KIF17: variants seen among roughly 807,000 people sequenced by gnomAD.
KIF17 encodes the protein kinesin family member 17, also known as kinesin-like protein KIF17.
A neutral mutation model predicts 96.8 loss-of-function variants in KIF17; 80 were observed. The observed-to-expected ratio is 0.83, with a 90% CI of 0.69 to 1.00. The LOEUF is 1.00. Among genes scored for constraint, KIF17 ranks in the 50% least tolerant of loss-of-function variants. The probability of loss-of-function intolerance (pLI) is 0.00; values close to 1 mark genes in which losing one functional copy is unlikely to be tolerated. For missense variants in KIF17, 1,280 were observed against 1,372.9 expected (o/e 0.93, Z 1.07); for synonymous variants, 567 against 587.5 (o/e 0.97, Z 0.51).
chr1:20,669,727 C>T (rs568371664), intron 13 of KIF17, among the ~76,000 whole-genome samples: 1 of 148,848 alleles, frequency 6.7e-6, no homozygotes, highest in East Asian at 2.0e-4. Context: ...CAAAAATTAG[C>T]TGGGCATGGT....
chr1:20,687,134 G>A lies in KIF17; in HGVS notation c.1938+254C>T, dbSNP rs768823113. ...CCATCTGCAGAACGGGAGCCCACCT[G>A]GCATAACCTTGCATCGCGACCCCAA... On this transcript the variant is annotated intron_variant, in intron 8 of 14. Coordinates refer to ENST00000400463, the MANE Select transcript of KIF17 (RefSeq NM_001122819.3). The surrounding 1 kb of genome is among the most constrained non-coding windows in gnomAD (Gnocchi z 4.4). 2.0e-5 allele frequency among the ~76,000 whole-genome samples: 3 copies of A among 152,164 alleles called. No individual in the cohort carries two copies. The highest frequency in any genetic ancestry group is 1.3e-4 in the Admixed American group (2 of 15,284).
chr1:20,688,705 G>C (rs2053984507), intron 7 of KIF17, among the ~76,000 whole-genome samples: 1 of 152,236 alleles, frequency 6.6e-6, no homozygotes, highest in African/African-American at 2.4e-5. Flanking sequence ...TTGTCCACTG[G>C]ATATGCTAGA....
chr1:20,692,580 C>T (rs1039378980), intron 6 of KIF17, among the ~76,000 whole-genome samples: 3 of 151,776 alleles, frequency 2.0e-5, no homozygotes, highest in Non-Finnish European at 4.4e-5. Context: ...GGATTAGAGG[C>T]GTGAGCCACT....
At chr1:20,671,818 CA>C in intron 12 of KIF17, 119 bp downstream of exon 12, 2 of 1,235,892 alleles carry the variant, frequency 1.6e-6, no homozygotes, top group East Asian at 4.7e-5. Context: ...ATCAGGTACC[CA>C]GGGTCACGTG....
At chr1:20,683,626 G>A (rs903660569) in intron 10 of KIF17, among the ~76,000 whole-genome samples, 1 of 152,050 alleles carries the variant, frequency 6.6e-6, no homozygotes, top group Non-Finnish European at 1.5e-5. Flanking sequence ...CTGCACTCCA[G>A]CCTGAGCAAC....
rs1156951272 is a variant in KIF17 at position 20,712,630 on chromosome 1, CTA to C, written c.480+822_480+823del. On this transcript the variant is annotated intron_variant, in intron 3 of 14. Transcript: ENST00000400463. ...TATATATATATAATATAGATAATAT[CTA>C]TATATATAATATAGATAATATTATC... Among the ~76,000 whole-genome samples the C allele has an allele frequency of 6.0e-3, 107 of 17,834 alleles. 12 individuals are homozygous for C. Among genetic ancestry groups the C allele is most frequent in the African/African-American group, 0.017 (101 of 6,022 alleles). The allele number at this position is 17,834 out of a possible 152,430, so 11.7% of individuals were successfully genotyped here.
intron 14 of KIF17, 145 bp from the exon 15 acceptor site, chr1:20,664,907 C>G (rs1462578541): frequency 3.9e-6 from 3 of 764,278 alleles, no homozygotes; most frequent in Non-Finnish European, 6.8e-6. Flanking sequence ...AGCTGGGACC[C>G]CAGGCTCTGC....
In KIF17 at chr1:20,700,829, G is replaced by A. The variant is rs1046033791; in HGVS notation, c.1124-2341C>T. On this transcript the variant is annotated intron_variant, in intron 5 of 14. Coordinates refer to ENST00000400463, the MANE Select transcript of KIF17 (RefSeq NM_001122819.3). The surrounding 1 kb of genome is among the most constrained non-coding windows in gnomAD (Gnocchi z 4.6). Reference sequence around the variant, plus strand: ...GTATGTAACTCTCACACCAAGCCAAGATTCCCCCTGCCCTGAACAGGCCCA... The same window carrying A: ...GTATGTAACTCTCACACCAAGCCAAAATTCCCCCTGCCCTGAACAGGCCCA... 2.0e-5 allele frequency among the ~76,000 whole-genome samples: 3 copies of A among 152,114 alleles called. No homozygotes were observed. The highest frequency in any genetic ancestry group is 2.0e-4 in the Admixed American group (3 of 15,268).
At chr1:20,680,729 G>T (rs1221937731) in intron 11 of KIF17, among the ~76,000 whole-genome samples, 1 of 152,060 alleles carries the variant, frequency 6.6e-6, no homozygotes, top group Non-Finnish European at 1.5e-5. Context: ...TCAATGAAAA[G>T]AAAGGAAAAA....
Position 20,664,514 on chromosome 1 carries a change from T to A in KIF17, c.*70A>T, listed in dbSNP as rs536781969. On this transcript the variant is annotated 3_prime_UTR_variant, in exon 15 of 15. Coordinates refer to ENST00000400463, the MANE Select transcript of KIF17 (RefSeq NM_001122819.3). ...GTGTGGCAGGTGGGAGGAGACCTGG[T>A]TGGGGCTGCCCTGGGAGGGCCTGGC... 1.9e-6 allele frequency: 3 copies of A among 1,612,076 alleles called. No individual in the cohort carries two copies. The East Asian group carries it at 6.7e-5, about 36-fold the overall frequency.
intron 13 of KIF17, among the ~76,000 whole-genome samples, chr1:20,669,059 A>G (rs1294769424): frequency 1.3e-5 from 2 of 151,768 alleles, no homozygotes; most frequent in Non-Finnish European, 2.9e-5. Context: ...TAGCCTGAGG[A>G]TCTGTAAATA....
chr1:20,682,212 A>G (rs2053842133), intron 11 of KIF17, among the ~76,000 whole-genome samples: 1 of 152,084 alleles, frequency 6.6e-6, no homozygotes, highest in Non-Finnish European at 1.5e-5. Flanking sequence ...CACACAACAC[A>G]CACACTGGGA....
At chr1:20,669,907 A>C in intron 13 of KIF17, among the ~76,000 whole-genome samples, 1 of 135,040 alleles carries the variant, frequency 7.4e-6, no homozygotes, top group African/African-American at 2.7e-5. Flanking sequence ...AAAAAAAACA[A>C]CCACCACCAC....
Position 20,717,628 on chromosome 1 carries a change from C to T in KIF17, c.79G>A (p.Val27Met). 1.9e-6 allele frequency: 3 copies of T among 1,609,070 alleles called. No homozygotes were observed. Among genetic ancestry groups the T allele is most frequent in the Non-Finnish European group, 1.7e-6 (2 of 1,179,164 alleles). Residue 27 changes from valine to methionine, a missense_variant, in exon 1 of 15, where the codon GTG (valine) becomes ATG (methionine). Val to Met is a conservative substitution (Grantham distance 21, BLOSUM62 1). Transcript: ENST00000400463. ...QRERELRCQPVVTVDCARAQC... is the reference protein window; with the variant it reads ...QRERELRCQPMVTVDCARAQC... ...GCGCGCGCGCAGTCCACAGTCACCA[C>T]GGGCTGGCAGCGCAGCTCTCGCTCC...
intron 13 of KIF17, among the ~76,000 whole-genome samples, chr1:20,669,913 A>C (rs1410068163): frequency 3.2e-5 from 4 of 126,858 alleles, no homozygotes; most frequent in Admixed American, 1.8e-4. Flanking sequence ...AACAACCACC[A>C]CCACCCATGC....
rs150924230 is a variant in KIF17 at position 20,689,023 on chromosome 1, C to T, written c.1382-1079G>A. Among the ~76,000 whole-genome samples the T allele has an allele frequency of 1.1e-3, 175 of 152,246 alleles. 1 individual carries two copies. The highest frequency in any genetic ancestry group is 3.8e-3 in the African/African-American group (159 of 41,556). ...CTCCTGTAAGAGGGTCTTGATTTTTCCCTTTGCTGAAATATGGCACCCACT... is the reference window on the plus strand; with the variant it reads ...CTCCTGTAAGAGGGTCTTGATTTTTTCCTTTGCTGAAATATGGCACCCACT... On this transcript the variant is annotated intron_variant, in intron 7 of 14. Coordinates refer to ENST00000400463, the MANE Select transcript of KIF17 (RefSeq NM_001122819.3).
At chr1:20,714,966 C>T (rs989999707) in intron 2 of KIF17, among the ~76,000 whole-genome samples, 5 of 152,172 alleles carry the variant, frequency 3.3e-5, no homozygotes, top group Non-Finnish European at 5.9e-5. Context: ...TGTCCCCATC[C>T]GCCATTCCCC....
chr1:20,696,189 A>C (rs1328435318), intron 6 of KIF17, among the ~76,000 whole-genome samples: 2 of 151,954 alleles, frequency 1.3e-5, no homozygotes, highest in Non-Finnish European at 2.9e-5. Context: ...GGGGACCGGA[A>C]CCCGGCTCCT....
chr1:20,675,186 G>T (rs2053716487), intron 11 of KIF17, among the ~76,000 whole-genome samples: 1 of 146,490 alleles, frequency 6.8e-6, no homozygotes, highest in South Asian at 2.2e-4. Flanking sequence ...GGTGGCTCAT[G>T]CCTATAATCC....
Sources: allele counts gnomAD v4.1 joint callset (sites outside exome capture counted in the v4.1 genomes callset), GRCh38; gene constraint gnomAD v4.1.1; non-coding constraint Gnocchi (gnomAD v3.1); transcripts MANE v1.5; gene names NCBI Gene and HGNC (gene_info 2026-07-23, HGNC 2026-07-21).